NEGR1: variants seen among roughly 807,000 people sequenced by gnomAD.
NEGR1 encodes the protein IgLON family member 4.
In NEGR1, 10 loss-of-function variants were observed where a neutral mutation model predicts 40.9. The ratio of observed to expected loss-of-function variants is 0.24; its 90% CI spans 0.15 to 0.42. The LOEUF (loss-of-function observed/expected upper bound fraction) is 0.42, where lower values mean the gene tolerates loss of function less well. NEGR1 is among the 10% of genes least tolerant of loss of function. The pLI is 1.00. For missense variants in NEGR1, 352 were observed against 438.9 expected, an observed-to-expected ratio of 0.80 and a Z score of 1.77; for synonymous variants, 185 against 166.8, an observed-to-expected ratio of 1.11 and a Z score of -0.84.
intron 6 of NEGR1, among the ~76,000 whole-genome samples, chr1:71,540,532 T>G (rs561307329): frequency 1.3e-5 from 2 of 151,848 alleles, no homozygotes; most frequent in East Asian, 3.9e-4. Context: ...GATTTTTTTG[T>G]TTTGGCTGGA....
chr1:71,469,559 A>G (rs1646768920), intron 6 of NEGR1, among the ~76,000 whole-genome samples: 1 of 152,014 alleles, frequency 6.6e-6, no homozygotes, highest in Admixed American at 6.6e-5. Flanking sequence ...TATCTTGGGG[A>G]AAAAGCCCTT....
At chr1:71,945,424 A>G (rs1266108821) in intron 1 of NEGR1, among the ~76,000 whole-genome samples, 1 of 152,158 alleles carries the variant, frequency 6.6e-6, no homozygotes, top group African/African-American at 2.4e-5. Flanking sequence ...CCTATGTATA[A>G]AATATAATTA....
chr1:71,836,886 TAAGA>T (rs1451702737), intron 2 of NEGR1: 2 of 151,580 alleles, frequency 1.3e-5, no homozygotes, highest in Non-Finnish European at 2.9e-5. Context: ...AAGACATTTC[TAAGA>T]AAGGAAGGAA....
At position 71,648,492 on chromosome 1, in the gene NEGR1, C is replaced by T. The variant is rs1449200555; in HGVS notation, c.668-37346G>A. Among the ~76,000 whole-genome samples, 7 of 152,010 alleles carry T rather than the reference C, an allele frequency of 4.6e-5. No individual in the cohort carries two copies. The East Asian group carries it at 1.4e-3, about 29-fold the overall frequency. On this transcript the variant is annotated intron_variant, in intron 4 of 6. Transcript: ENST00000357731. ...TCAAGGGACAAACATAATATTACAA[C>T]TCTGCCTCAAGATGTTTCCATCTTG...
Position 71,406,400 on chromosome 1 carries a change from T to C in NEGR1, c.*1046A>G, listed in dbSNP as rs1349711541. 6.6e-6 allele frequency: 1 copy of C among 151,906 alleles called. No homozygotes were observed. Among genetic ancestry groups the C allele is most frequent in the Non-Finnish European group, 1.5e-5 (1 of 67,870 alleles). 9.4% of individuals were successfully genotyped at this position (151,906 alleles called of 1,614,324 possible). Reference sequence around the variant, plus strand: ...ATTAATGATGAGCGCTTACCAACTCTTGTAATATTAGGTGATAGGACTTTG... The same window carrying C: ...ATTAATGATGAGCGCTTACCAACTCCTGTAATATTAGGTGATAGGACTTTG... On this transcript the variant is annotated 3_prime_UTR_variant, in exon 7 of 7. Transcript: ENST00000357731.
intron 1 of NEGR1, among the ~76,000 whole-genome samples, chr1:72,173,905 T>C (rs1291352249): frequency 6.6e-6 from 1 of 152,118 alleles, no homozygotes; most frequent in Non-Finnish European, 1.5e-5. Flanking sequence ...ATCATGCCAC[T>C]GCACTCTAGC....
chr1:72,144,004 C>A (rs554332035), intron 1 of NEGR1, among the ~76,000 whole-genome samples: 2 of 146,714 alleles, frequency 1.4e-5, no homozygotes, highest in African/African-American at 2.5e-5. Context: ...GGTCTCAATG[C>A]CTTTTCCTCT....
intron 6 of NEGR1, among the ~76,000 whole-genome samples, chr1:71,538,260 T>C (rs1325946274): frequency 5.3e-5 from 8 of 151,864 alleles, no homozygotes; most frequent in African/African-American, 1.7e-4. Context: ...GATTGTTTTA[T>C]AACTCTGCAC....
intron 6 of NEGR1, among the ~76,000 whole-genome samples, chr1:71,526,623 C>T (rs11807423): frequency 0.04 from 6,112 of 151,444 alleles, 408 homozygotes; most frequent in African/African-American, 0.14. Flanking sequence ...ATATGTTTGC[C>T]GTTGCAATAA....
intron 2 of NEGR1, among the ~76,000 whole-genome samples, chr1:71,837,234 AG>A (rs1358757095): frequency 6.6e-6 from 1 of 152,104 alleles, no homozygotes; most frequent in African/African-American, 2.4e-5. Context: ...CATTTCCAAA[AG>A]GACTTCTCTA....
At chr1:72,087,895 G>A (rs1648289047) in intron 1 of NEGR1, among the ~76,000 whole-genome samples, 1 of 151,688 alleles carries the variant, frequency 6.6e-6, no homozygotes, top group Admixed American at 6.6e-5. Flanking sequence ...CACCCTGCCA[G>A]AGCATAACTG....
At chr1:71,607,267 A>G (rs1162415289) in intron 5 of NEGR1, among the ~76,000 whole-genome samples, 7 of 152,228 alleles carry the variant, frequency 4.6e-5, no homozygotes, top group African/African-American at 7.2e-5. Context: ...GTCCTTGACT[A>G]AATAAATTGG....
intron 4 of NEGR1, among the ~76,000 whole-genome samples, chr1:71,692,515 C>T (rs1653321706): frequency 6.6e-6 from 1 of 151,344 alleles, no homozygotes; most frequent in South Asian, 2.1e-4. Flanking sequence ...AGGTGATGGC[C>T]ATTTGTGATC....
chr1:71,766,140 T>G (rs951620227), intron 3 of NEGR1, among the ~76,000 whole-genome samples: 136 of 138,294 alleles, frequency 9.8e-4, no homozygotes, highest in African/African-American at 3.7e-3. Context: ...GCCACTGCAC[T>G]CCAGCCTGGG....
At chr1:72,165,746 T>C (rs1651742212) in intron 1 of NEGR1, among the ~76,000 whole-genome samples, 1 of 152,032 alleles carries the variant, frequency 6.6e-6, no homozygotes, top group Non-Finnish European at 1.5e-5. Context: ...ACTATGGTAG[T>C]TGAGTAAAAT....
At chr1:72,280,228 G>C (rs1656196540) in intron 1 of NEGR1, among the ~76,000 whole-genome samples, 1 of 152,138 alleles carries the variant, frequency 6.6e-6, no homozygotes, top group South Asian at 2.1e-4. Context: ...GAAGCAATGA[G>C]TGAACTAAAC....
intron 1 of NEGR1, among the ~76,000 whole-genome samples, chr1:72,195,579 T>TA (rs1359500251): frequency 6.6e-6 from 1 of 151,548 alleles, no homozygotes; most frequent in Admixed American, 6.6e-5. Flanking sequence ...CATAGACATA[T>TA]AAAAAAACAC....
At chr1:72,250,248 C>A (rs908694810) in intron 1 of NEGR1, among the ~76,000 whole-genome samples, 2 of 151,956 alleles carry the variant, frequency 1.3e-5, no homozygotes, top group African/African-American at 4.8e-5. Flanking sequence ...GTTCTCACTT[C>A]TTCTCTCCCT....
intron 3 of NEGR1, among the ~76,000 whole-genome samples, chr1:71,736,301 GATTTAAT>G (rs1655039369): frequency 6.6e-6 from 1 of 151,910 alleles, no homozygotes; most frequent in Non-Finnish European, 1.5e-5. Context: ...TGTGGTCTGG[GATTTAAT>G]ATTTAAAGAT....
Sources: allele counts gnomAD v4.1 joint callset (sites outside exome capture counted in the v4.1 genomes callset), GRCh38; gene constraint gnomAD v4.1.1; transcripts MANE v1.5; gene names NCBI Gene and HGNC (gene_info 2026-07-23, HGNC 2026-07-21).